The following NEGR1 variants were observed in gnomAD, a reference collection of about 807,000 sequenced individuals.
The protein encoded by NEGR1 is IgLON family member 4.
In NEGR1, 10 loss-of-function variants were observed where a neutral mutation model predicts 40.9. The observed-to-expected ratio is 0.24, with a 90% CI of 0.15 to 0.42. NEGR1 has a LOEUF of 0.42. Ranked by LOEUF, NEGR1 falls within the 10% of genes least tolerant of loss-of-function variation. The probability of loss-of-function intolerance (pLI) is 1.00; values close to 1 mark genes in which losing one functional copy is unlikely to be tolerated. For synonymous variants in NEGR1, 185 were observed against 166.8 expected (o/e 1.11, Z -0.84); for missense variants, 352 against 438.9 (o/e 0.80, Z 1.77).
intron 3 of NEGR1, among the ~76,000 whole-genome samples, chr1:71,729,676 C>T (rs1163226329): frequency 6.6e-6 from 1 of 151,952 alleles, no homozygotes; most frequent in African/African-American, 2.4e-5. Flanking sequence ...TTGCTATTGC[C>T]CAGGCTGGAG....
At chr1:72,185,175 A>T (rs998167264) in intron 1 of NEGR1, among the ~76,000 whole-genome samples, 2 of 151,792 alleles carry the variant, frequency 1.3e-5, no homozygotes, top group Non-Finnish European at 2.9e-5. Context: ...TTCCTCAATT[A>T]TTGCTATTAT....
chr1:72,078,345 T>C (rs1025073569), intron 1 of NEGR1, among the ~76,000 whole-genome samples: 2 of 152,114 alleles, frequency 1.3e-5, no homozygotes, highest in South Asian at 2.1e-4. Context: ...GAACACACTG[T>C]CTTTCAACCT....
At chr1:71,779,703 G>A (rs150893149) in intron 2 of NEGR1, among the ~76,000 whole-genome samples, 1,937 of 152,114 alleles carry the variant, frequency 0.013, 39 homozygotes, top group African/African-American at 0.044. Context: ...GAGTAGCTGG[G>A]ATTACAGGCG....
intron 5 of NEGR1, among the ~76,000 whole-genome samples, chr1:71,608,174 GCCTCAAATATAAC>G (rs1388677019): frequency 6.6e-6 from 1 of 152,058 alleles, no homozygotes; most frequent in Non-Finnish European, 1.5e-5. Context: ...TTTGAGTATT[GCCTCAAATATAAC>G]CCTAAAGATG....
chr1:71,539,324 A>G (rs1647613588), intron 6 of NEGR1, among the ~76,000 whole-genome samples: 1 of 151,756 alleles, frequency 6.6e-6, no homozygotes, highest in African/African-American at 2.4e-5. Flanking sequence ...CCTTAAAAGT[A>G]ATTTTTTTCC....
intron 6 of NEGR1, among the ~76,000 whole-genome samples, chr1:71,447,606 C>T (rs562372177): frequency 1.6e-4 from 24 of 152,310 alleles, no homozygotes; most frequent in African/African-American, 5.8e-4. Flanking sequence ...TCTATTCATA[C>T]TTTACCATCT....
chr1:71,934,235 C>T (rs900010936), intron 2 of NEGR1, among the ~76,000 whole-genome samples: 5 of 151,962 alleles, frequency 3.3e-5, no homozygotes, highest in African/African-American at 4.8e-5. Flanking sequence ...AAAAAATAAA[C>T]GTTTTCCATT....
chr1:72,268,070 GA>G, intron 1 of NEGR1, among the ~76,000 whole-genome samples: 1 of 151,326 alleles, frequency 6.6e-6, no homozygotes, highest in Non-Finnish European at 1.5e-5. Flanking sequence ...CACGGTATCA[GA>G]AAGCTGTCTT....
intron 3 of NEGR1, among the ~76,000 whole-genome samples, chr1:71,728,033 C>T (rs116263000): frequency 0.011 from 1,687 of 152,150 alleles, 14 homozygotes; most frequent in Non-Finnish European, 0.016. Context: ...CCATTCAATA[C>T]GGGACAGGTA....
intron 4 of NEGR1, among the ~76,000 whole-genome samples, chr1:71,642,094 A>T (rs1237985681): frequency 6.6e-6 from 1 of 151,934 alleles, no homozygotes; most frequent in Non-Finnish European, 1.5e-5. Flanking sequence ...GAGAGACAGG[A>T]TCAGAATAAC....
chr1:72,051,450 T>G (rs760368230), intron 1 of NEGR1, among the ~76,000 whole-genome samples: 1 of 151,496 alleles, frequency 6.6e-6, no homozygotes, highest in Non-Finnish European at 1.5e-5. Context: ...ACTTATGGTT[T>G]GGAGCAGAAT....
At chr1:72,134,472 G>C (rs111244725) in intron 1 of NEGR1, among the ~76,000 whole-genome samples, 1 of 151,928 alleles carries the variant, frequency 6.6e-6, no homozygotes, top group East Asian at 1.9e-4. Context: ...CCAAAGTGCT[G>C]GGATTACAAG....
intron 1 of NEGR1, among the ~76,000 whole-genome samples, chr1:72,092,242 C>G (rs1287317282): frequency 3.9e-5 from 6 of 152,126 alleles, no homozygotes; most frequent in African/African-American, 4.8e-5. Context: ...AACCATCTTT[C>G]TTAGGAGGCT....
At chr1:71,761,147 C>A (rs1655925788) in intron 3 of NEGR1, among the ~76,000 whole-genome samples, 1 of 152,214 alleles carries the variant, frequency 6.6e-6, no homozygotes, top group African/African-American at 2.4e-5. Flanking sequence ...AACTTAAGAC[C>A]TAAACCTCTT....
At chr1:72,038,246 T>C (rs948144643) in intron 1 of NEGR1, among the ~76,000 whole-genome samples, 1 of 152,080 alleles carries the variant, frequency 6.6e-6, no homozygotes, top group Non-Finnish European at 1.5e-5. Flanking sequence ...TTTACATGCA[T>C]TGGTAAGGAT....
intron 6 of NEGR1, among the ~76,000 whole-genome samples, chr1:71,532,528 T>C (rs1569994986): frequency 6.6e-6 from 1 of 151,754 alleles, no homozygotes; most frequent in East Asian, 2.0e-4. Flanking sequence ...GTAAATAGTT[T>C]TTTAATAGCT....
chr1:72,230,357 T>C (rs576441140), intron 1 of NEGR1, among the ~76,000 whole-genome samples: 1 of 152,298 alleles, frequency 6.6e-6, no homozygotes, highest in South Asian at 2.1e-4. Flanking sequence ...AAAGTTGTGC[T>C]GATTAGTACA....
intron 1 of NEGR1, among the ~76,000 whole-genome samples, chr1:71,962,987 G>A: frequency 6.6e-6 from 1 of 151,734 alleles, no homozygotes; most frequent in Non-Finnish European, 1.5e-5. Context: ...CTCACTCTTT[G>A]TTCTAAATCT....
At chr1:72,041,682 T>C (rs1290826786) in intron 1 of NEGR1, among the ~76,000 whole-genome samples, 1 of 150,068 alleles carries the variant, frequency 6.7e-6, no homozygotes, top group Non-Finnish European at 1.5e-5. Flanking sequence ...ATTTATGTTA[T>C]GTTAAAATGA....
Sources: gnomAD v4.1 joint callset for allele counts (sites outside exome capture counted in the v4.1 genomes callset) on GRCh38, gnomAD v4.1.1 for gene constraint, MANE v1.5 for transcripts, NCBI Gene and HGNC (gene_info 2026-07-23, HGNC 2026-07-21) for gene names.